The following ZNF385B variants were observed in gnomAD, a reference collection of about 807,000 sequenced individuals.
ZNF385B encodes zinc finger protein 533.
A neutral mutation model predicts 39.2 loss-of-function variants in ZNF385B; 23 were observed. The ratio of observed to expected loss-of-function variants is 0.59; its 90% CI spans 0.42 to 0.83. The LOEUF (loss-of-function observed/expected upper bound fraction) is 0.83, where lower values mean the gene tolerates loss of function less well. ZNF385B is among the 40% of genes least tolerant of loss of function. ZNF385B has a pLI of 0.00. For missense variants in ZNF385B, 552 were observed against 598.9 expected, an observed-to-expected ratio of 0.92 and a Z score of 0.82; for synonymous variants, 205 against 222.6, an observed-to-expected ratio of 0.92 and a Z score of 0.70.
At chr2:179,495,248 T>G (rs1315566705) in intron 5 of ZNF385B, among the ~76,000 whole-genome samples, 1 of 152,020 alleles carries the variant, frequency 6.6e-6, no homozygotes, top group Non-Finnish European at 1.5e-5. Context: ...TGGCCTAAGG[T>G]GGTGGTGGCT....
chr2:179,810,544 T>G (rs191132545), intron 1 of ZNF385B, among the ~76,000 whole-genome samples: 3 of 152,096 alleles, frequency 2.0e-5, no homozygotes, highest in African/African-American at 7.2e-5. Flanking sequence ...GTTTTTAATT[T>G]CTACATTAAG....
At chr2:179,725,943 CAG>C (rs769954996) in intron 3 of ZNF385B, among the ~76,000 whole-genome samples, 5 of 144,372 alleles carry the variant, frequency 3.5e-5, no homozygotes, top group South Asian at 4.5e-4. Context: ...TGTGTATATA[CAG>C]AGAGAGAGAT....
intron 3 of ZNF385B, among the ~76,000 whole-genome samples, chr2:179,723,360 C>T (rs1700809633): frequency 6.6e-6 from 1 of 151,956 alleles, no homozygotes; most frequent in African/African-American, 2.4e-5. Context: ...AATGTTCAAA[C>T]CAGTATTGCT....
intron 3 of ZNF385B, among the ~76,000 whole-genome samples, chr2:179,649,358 A>G (rs1051220423): frequency 2.6e-5 from 4 of 152,228 alleles, no homozygotes; most frequent in Non-Finnish European, 5.9e-5. Context: ...AGGATTGGGT[A>G]TAGGATGTAT....
intron 3 of ZNF385B, among the ~76,000 whole-genome samples, chr2:179,581,097 G>T (rs1338658933): frequency 6.6e-6 from 1 of 152,136 alleles, no homozygotes; most frequent in Non-Finnish European, 1.5e-5. Flanking sequence ...ATCCTTAAAG[G>T]TGCAGTCCCA....
At chr2:179,733,631 CA>C (rs1301924049) in intron 3 of ZNF385B, among the ~76,000 whole-genome samples, 4 of 151,822 alleles carry the variant, frequency 2.6e-5, no homozygotes, top group Non-Finnish European at 4.4e-5. Flanking sequence ...AAATACAAAA[CA>C]ATTAGCCGGG....
At chr2:179,702,058 A>T (rs562385931) in intron 3 of ZNF385B, among the ~76,000 whole-genome samples, 1 of 151,656 alleles carries the variant, frequency 6.6e-6, no homozygotes, top group Admixed American at 6.6e-5. Flanking sequence ...TCACGTTTTC[A>T]TTTTTTTTTA....
At chr2:179,542,591 A>T (rs2059986035) in intron 4 of ZNF385B, among the ~76,000 whole-genome samples, 1 of 152,242 alleles carries the variant, frequency 6.6e-6, no homozygotes, top group Non-Finnish European at 1.5e-5. Context: ...TCTATGCAAC[A>T]TGAACAAACC....
intron 3 of ZNF385B, among the ~76,000 whole-genome samples, chr2:179,743,561 T>C (rs1056319799): frequency 1.3e-5 from 2 of 152,024 alleles, no homozygotes; most frequent in Non-Finnish European, 2.9e-5. Flanking sequence ...CATCCAAATA[T>C]GTACTCTATT....
intron 1 of ZNF385B, among the ~76,000 whole-genome samples, chr2:179,793,249 A>C (rs1705454094): frequency 6.6e-6 from 1 of 152,210 alleles, no homozygotes; most frequent in South Asian, 2.1e-4. Flanking sequence ...GGCTCTTTCC[A>C]CTGTACTCTG....
chr2:179,817,777 G>A (rs1184344297), intron 1 of ZNF385B, among the ~76,000 whole-genome samples: 1 of 152,066 alleles, frequency 6.6e-6, no homozygotes, highest in East Asian at 1.9e-4. Context: ...GCTTGAGCAT[G>A]TGCATGTGTG....
intron 3 of ZNF385B, among the ~76,000 whole-genome samples, chr2:179,681,584 T>C (rs574598071): frequency 6.6e-6 from 1 of 152,360 alleles, no homozygotes; most frequent in Admixed American, 6.5e-5. Context: ...TCAATCACTA[T>C]AGAATACAAT....
chr2:179,707,442 C>T lies in ZNF385B; in HGVS notation c.298+62061G>A, dbSNP rs183245272. ...AGGAAGCCTGGCTAAATGAGAGCAA[C>T]ATCCTCACATCTCCTTTGTAATTAC... On this transcript the variant is annotated intron_variant, in intron 3 of 9. Transcript: ENST00000410066. Among the ~76,000 whole-genome samples, 511 of 152,358 alleles carry T rather than the reference C, an allele frequency of 3.4e-3. 4 individuals are homozygous for T. The highest frequency in any genetic ancestry group is 0.012 in the African/African-American group (482 of 41,584).
chr2:179,806,396 G>T (rs1252539183), intron 1 of ZNF385B, among the ~76,000 whole-genome samples: 5 of 152,160 alleles, frequency 3.3e-5, no homozygotes. Flanking sequence ...TTCAGCTAAA[G>T]TTATCTTTTG....
chr2:179,448,113 T>C (rs1283476744), intron 6 of ZNF385B, among the ~76,000 whole-genome samples: 1 of 152,104 alleles, frequency 6.6e-6, no homozygotes, highest in Non-Finnish European at 1.5e-5. Flanking sequence ...AGGTTGCACA[T>C]TCCATATTCC....
chr2:179,778,863 A>AAAAGGT (rs1167165575), intron 1 of ZNF385B, among the ~76,000 whole-genome samples: 1 of 152,222 alleles, frequency 6.6e-6, no homozygotes, highest in Non-Finnish European at 1.5e-5. Context: ...CAACAACAAA[A>AAAAGGT]AAAGGTGAAC....
intron 3 of ZNF385B, among the ~76,000 whole-genome samples, chr2:179,578,927 CAT>C (rs1362116137): frequency 6.6e-6 from 1 of 152,046 alleles, no homozygotes; most frequent in Non-Finnish European, 1.5e-5. Context: ...AACACACACT[CAT>C]ATTAAATCTA....
At chr2:179,748,287 A>G (rs1702491596) in intron 3 of ZNF385B, among the ~76,000 whole-genome samples, 2 of 152,160 alleles carry the variant, frequency 1.3e-5, no homozygotes, top group Admixed American at 6.6e-5. Flanking sequence ...AAAAAAATAC[A>G]AAACATAATA....
chr2:179,771,785 T>C (rs930909871), intron 1 of ZNF385B, among the ~76,000 whole-genome samples: 1 of 152,206 alleles, frequency 6.6e-6, no homozygotes, highest in African/African-American at 2.4e-5. Flanking sequence ...TTAGTTGAAA[T>C]AAGTAAGTGA....
Sources: allele counts gnomAD v4.1 joint callset (sites outside exome capture counted in the v4.1 genomes callset), GRCh38; gene constraint gnomAD v4.1.1; transcripts MANE v1.5; gene names NCBI Gene and HGNC (gene_info 2026-07-23, HGNC 2026-07-21).